CYP4A22: variants seen among roughly 807,000 people sequenced by gnomAD.
The protein encoded by CYP4A22 is cytochrome P450 4A22.
A neutral mutation model predicts 56.2 loss-of-function variants in CYP4A22; 46 were observed. The observed-to-expected ratio is 0.82, with a 90% confidence interval of 0.65 to 1.05. The LOEUF (loss-of-function observed/expected upper bound fraction) is 1.05. CYP4A22 is among the 50% of genes least tolerant of loss of function. The pLI, the probability that CYP4A22 is intolerant of heterozygous loss-of-function variation, is 0.00. For synonymous variants in CYP4A22, 193 were observed against 251.1 expected, an observed-to-expected ratio of 0.77 and a Z score of 2.19; for missense variants, 541 against 645.9, an observed-to-expected ratio of 0.84 and a Z score of 1.76.
In CYP4A22 at chr1:47,144,374, A is replaced by G. The variant is rs375004222; in HGVS notation, c.808A>G (p.Arg270Gly). ...HQHTDQVIQL[R>G]KAQLQKEGEL... ...TGGTACAGACCAAGTGATCCAACTG[A>G]GGAAGGCTCAACTACAGAAGGAGGG... The change falls in exon 7 of 12, where the codon AGG becomes GGG. Residue 270 changes from arginine (R) to glycine (G), a missense_variant. This residue lies in a region of CYP4A22 where 335 missense variants were observed against 361.2 expected (regional missense o/e 0.93). Coordinates refer to ENST00000371891, the MANE Select transcript of CYP4A22 (RefSeq NM_001010969.4). The G allele has an allele frequency of 6.2e-7, 1 of 1,613,732 alleles. No individual in the cohort carries two copies. The highest frequency in any genetic ancestry group is 1.3e-5 in the African/African-American group (1 of 74,912).
chr1:47,142,095 G>C lies in CYP4A22; in HGVS notation c.383-13G>C. ...CTGATACACACACATACACATATTC[G>C]TGTCTACCTTAGGGTACGGCTTGCT... On this transcript the variant is annotated splice_polypyrimidine_tract_variant and intron_variant, in intron 3 of 11. Coordinates refer to ENST00000371891, the MANE Select transcript of CYP4A22 (RefSeq NM_001010969.4). 6.2e-7 allele frequency: 1 copy of C among 1,610,094 alleles called. No individual in the cohort carries two copies. Among genetic ancestry groups the C allele is most frequent in the Non-Finnish European group, 8.5e-7 (1 of 1,177,922 alleles).
chr1:47,144,547 C>A lies in CYP4A22; in HGVS notation c.898-3C>A. On this transcript the variant is annotated splice_polypyrimidine_tract_variant and splice_region_variant and intron_variant, in intron 7 of 11. Coordinates refer to ENST00000371891, the MANE Select transcript of CYP4A22 (RefSeq NM_001010969.4). ...CCCTGCACTTTCACCACGGTCTTCC[C>A]AGATGGAGAATGGGAGCATCTTGTC... 2 of 1,614,010 alleles carry A rather than the reference C, an allele frequency of 1.2e-6. No homozygotes were observed. The highest frequency in any genetic ancestry group is 1.7e-6 in the Non-Finnish European group (2 of 1,179,868).
At chr1:47,143,049 T>C (rs551251926) in intron 4 of CYP4A22, among the ~76,000 whole-genome samples, 52 of 152,342 alleles carry the variant, frequency 3.4e-4, no homozygotes, top group African/African-American at 1.2e-3. Context: ...CTGTTGAATG[T>C]TGTATTAAAA....
intron 1 of CYP4A22, among the ~76,000 whole-genome samples, chr1:47,138,364 T>G: frequency 6.6e-6 from 1 of 152,166 alleles, no homozygotes; most frequent in Non-Finnish European, 1.5e-5. Context: ...GACTGGTGTT[T>G]GAGTTGCACA....
chr1:47,145,750 AG>A, intron 9 of CYP4A22, 115 bp from the exon 10 acceptor site: 1 of 1,443,692 alleles, frequency 6.9e-7, no homozygotes, highest in Non-Finnish European at 9.5e-7. Flanking sequence ...TCCTAGTCAA[AG>A]TGACAATTTA....
In CYP4A22 at chr1:47,145,560, T is replaced by G. The variant is rs559759940; in HGVS notation, c.1223-306T>G. 2.6e-5 allele frequency among the ~76,000 whole-genome samples: 4 copies of G among 152,362 alleles called. No homozygotes were observed. In the East Asian group the frequency reaches 7.7e-4, roughly 29 times the overall value. On this transcript the variant is annotated intron_variant, in intron 9 of 11. Coordinates refer to ENST00000371891, the MANE Select transcript of CYP4A22 (RefSeq NM_001010969.4). ...AGCATTGTTGTATTGAGTGAGTTCA[T>G]GTATATTCTCCAATGACCCTTGGAG...
intron 11 of CYP4A22, 105 bp from the exon 12 acceptor site, chr1:47,148,497 G>C: frequency 7.0e-7 from 1 of 1,437,342 alleles, no homozygotes. Flanking sequence ...ACATGAGGTT[G>C]GGCACTGAAT....
chr1:47,140,635 G>C, intron 1 of CYP4A22, 145 bp from the exon 2 acceptor site: 4 of 1,277,028 alleles, frequency 3.1e-6, no homozygotes. Flanking sequence ...GAGATACAAA[G>C]AATCTGGATC....
intron 10 of CYP4A22, 68 bp downstream of exon 10, chr1:47,145,998 T>A: frequency 6.2e-7 from 1 of 1,614,016 alleles, no homozygotes; most frequent in Non-Finnish European, 8.5e-7. Flanking sequence ...TGCTTCCACC[T>A]CTGGGAGTAC....
intron 4 of CYP4A22, 97 bp downstream of exon 4, chr1:47,142,332 A>G (rs1275119252): frequency 1.5e-4 from 217 of 1,489,778 alleles, no homozygotes; most frequent in Non-Finnish European, 1.8e-4. Context: ...AGCCATAGAC[A>G]TAGACACATG....
In CYP4A22 at chr1:47,143,253, C is replaced by T. The variant is rs763064318; in HGVS notation, c.511-16C>T. 31 of 1,595,854 alleles carry T rather than the reference C, an allele frequency of 1.9e-5. 1 individual carries two copies. In the South Asian group the frequency reaches 3.3e-4, roughly 17 times the overall value. On this transcript the variant is annotated splice_polypyrimidine_tract_variant and intron_variant, in intron 4 of 11. Coordinates refer to ENST00000371891, the MANE Select transcript of CYP4A22 (RefSeq NM_001010969.4). ...TTCTTGGAGATTAAGAAGGTCCATG[C>T]CCCCTCCCACCACAGGACAAATGGG...
Position 47,140,921 on chromosome 1 carries a change from G to C in CYP4A22, c.337G>C (p.Asp113His), listed in dbSNP as rs1211272692. ...DYMKVILGRS[D>H]PKSHGSYKFL... ...TATGAAGGTGATTCTGGGGAGATCAGGTGAGATCGAACCCCCATCCCAACT... is the reference window on the plus strand; with the variant it reads ...TATGAAGGTGATTCTGGGGAGATCACGTGAGATCGAACCCCCATCCCAACT... The change falls in exon 2 of 12, where the codon GAC becomes CAC. Residue 113 changes from aspartate (D) to histidine (H), a missense_variant and splice_region_variant. This residue lies in a region of CYP4A22 where 335 missense variants were observed against 361.2 expected (regional missense o/e 0.93). Coordinates refer to ENST00000371891, the MANE Select transcript of CYP4A22 (RefSeq NM_001010969.4). 1 of 1,613,832 alleles carries C rather than the reference G, an allele frequency of 6.2e-7. No individual in the cohort carries two copies. Among genetic ancestry groups the C allele is most frequent in the Non-Finnish European group, 8.5e-7 (1 of 1,179,932 alleles).
chr1:47,142,002 T>C, intron 3 of CYP4A22, 106 bp from the exon 4 acceptor site: 1 of 1,496,896 alleles, frequency 6.7e-7, no homozygotes, highest in Non-Finnish European at 9.0e-7. Flanking sequence ...TCTGGATAGT[T>C]CTTCCCCCAG....
intron 11 of CYP4A22, 148 bp from the exon 12 acceptor site, chr1:47,148,453 GT>G (rs1380127118): frequency 9.8e-6 from 11 of 1,119,476 alleles, no homozygotes; most frequent in Middle Eastern, 3.1e-4. Context: ...TGGGGTAGAA[GT>G]GTCCGTGGGC....
intron 1 of CYP4A22, among the ~76,000 whole-genome samples, chr1:47,138,694 A>T (rs1368567042): frequency 6.6e-6 from 1 of 152,198 alleles, no homozygotes; most frequent in Non-Finnish European, 1.5e-5. Flanking sequence ...CAAGATAATT[A>T]TTTTTCTTCC....
intron 9 of CYP4A22, among the ~76,000 whole-genome samples, chr1:47,145,479 C>T (rs1395692629): frequency 1.3e-5 from 2 of 152,202 alleles, no homozygotes; most frequent in East Asian, 3.9e-4. Context: ...CAATTGGTCT[C>T]TCTGATACTC....
intron 1 of CYP4A22, 105 bp downstream of exon 1, chr1:47,137,785 A>G: frequency 6.9e-7 from 1 of 1,448,862 alleles, no homozygotes. Context: ...AACAAACGTG[A>G]GGCCTCATAG....
chr1:47,137,517 G>A lies in CYP4A22; in HGVS notation c.32G>A (p.Arg11His), dbSNP rs200538871. 8.1e-6 allele frequency: 13 copies of A among 1,613,980 alleles called. No individual in the cohort carries two copies. Among genetic ancestry groups the A allele is most frequent in the Admixed American group, 3.3e-5 (2 of 60,004 alleles). MSVSVLSPSR[R>H]LGGVSGILQV... is the part of the protein sequence containing the mutation. ...GTCTCTGTCCTGAGCCCCAGCAGAC[G>A]CCTGGGTGGTGTCTCCGGGATCCTC... The change falls in exon 1 of 12, where the codon CGC (arginine) becomes CAC (histidine). Residue 11 changes from arginine (R) to histidine (H), a missense_variant. Coordinates refer to ENST00000371891, the MANE Select transcript of CYP4A22 (RefSeq NM_001010969.4).
intron 1 of CYP4A22, among the ~76,000 whole-genome samples, chr1:47,140,030 C>T (rs1443987698): frequency 6.6e-6 from 1 of 152,174 alleles, no homozygotes; most frequent in Non-Finnish European, 1.5e-5. Context: ...GAATTGCCAG[C>T]AGGGCTGGAG....
Sources: gnomAD v4.1 joint callset for allele counts (sites outside exome capture counted in the v4.1 genomes callset) on GRCh38, gnomAD v4.1.1 for gene constraint, gnomAD v4.1.1 regional missense constraint, MANE v1.5 for transcripts, NCBI Gene and HGNC (gene_info 2026-07-23, HGNC 2026-07-21) for gene names.